Variants in FRRS1 observed in about 807,000 individuals in gnomAD.
The protein encoded by FRRS1 is ferric chelate reductase 1, also known as ferric reductase 1.
In FRRS1, 51 loss-of-function variants were observed where a neutral mutation model predicts 70.7. The ratio of observed to expected loss-of-function variants is 0.72; its 90% CI spans 0.58 to 0.91. The LOEUF (loss-of-function observed/expected upper bound fraction) is 0.91, where lower values mean the gene tolerates loss of function less well. Ranked by LOEUF, FRRS1 falls within the 40% of genes least tolerant of loss-of-function variation. The probability of loss-of-function intolerance (pLI) is 0.00; values close to 1 mark genes in which losing one functional copy is unlikely to be tolerated. For missense variants in FRRS1, 672 were observed against 726.0 expected (o/e 0.93, Z 0.86); for synonymous variants, 225 against 238.7 (o/e 0.94, Z 0.53).
rs1553169357 is a variant in FRRS1, at chr1:99,708,625, A to AAAT, written c.*402_*403insATT. ...AAAAAAAAAAAAAAAAAAAAAAAAAAATATATATATATATATATATATATA... is the reference window on the plus strand; with the variant it reads ...AAAAAAAAAAAAAAAAAAAAAAAAAAAATATATATATATATATATATATATATA... On this transcript the variant is annotated 3_prime_UTR_variant, in exon 17 of 17. Transcript: ENST00000646001. 5.7e-4 allele frequency: 30 copies of AAAT among 52,738 alleles called. No individual in the cohort carries two copies. Among genetic ancestry groups the AAAT allele is most frequent in the South Asian group, 1.2e-3 (1 of 830 alleles). The allele number at this position is 52,738 out of a possible 1,614,324, so 3.3% of individuals were successfully genotyped here. A position where few individuals can be genotyped will look rare whatever the true frequency, so the allele number is the denominator to read the frequency against.
In FRRS1 at chr1:99,738,134, G is replaced by T. The variant is rs1278943343; in HGVS notation, c.711C>A (p.Gly237=). The change falls in exon 7 of 17, where the codon GGC becomes GGA. Residue 237 remains glycine (G), a synonymous_variant. Transcript: ENST00000646001. Reference sequence around the variant, plus strand: ...CAAAGGATAAATAGCCTTTACTGGGGCCGCTCATTTCAACCATCACCGATT... The same window carrying T: ...CAAAGGATAAATAGCCTTTACTGGGTCCGCTCATTTCAACCATCACCGATT... ...DDQSVMVEMS[G]PSKGYLSFAL... 6.2e-7 allele frequency: 1 copy of T among 1,613,782 alleles called. No homozygotes were observed. The highest frequency in any genetic ancestry group is 2.2e-5 in the East Asian group (1 of 44,866).
At chr1:99,747,246 T>C (rs1399038442) in intron 4 of FRRS1, 48 bp downstream of exon 4, 1 of 1,510,420 alleles carries the variant, frequency 6.6e-7, no homozygotes. Context: ...GGGTGGGGTC[T>C]GCACCTGTAA....
chr1:99,753,815 A>C (rs1348078251), intron 1 of FRRS1, among the ~76,000 whole-genome samples: 1 of 152,148 alleles, frequency 6.6e-6, no homozygotes, highest in African/African-American at 2.4e-5. Context: ...TTTAAATGTC[A>C]GTTGTCTAAA....
chr1:99,732,204 C>T (rs1330063069), intron 7 of FRRS1, among the ~76,000 whole-genome samples: 2 of 152,162 alleles, frequency 1.3e-5, no homozygotes, highest in African/African-American at 4.8e-5. Context: ...AGTGAACGTG[C>T]TACTCCAACC....
intron 9 of FRRS1, among the ~76,000 whole-genome samples, chr1:99,722,137 G>A (rs1292615755): frequency 2.6e-5 from 4 of 151,886 alleles, no homozygotes; most frequent in Non-Finnish European, 5.9e-5. Context: ...AGCCTCCCAA[G>A]TAGCTGGGAC....
chr1:99,761,788 T>C (rs889970776), intron 1 of FRRS1, among the ~76,000 whole-genome samples: 3 of 147,860 alleles, frequency 2.0e-5, no homozygotes, highest in African/African-American at 5.0e-5. Flanking sequence ...ACAGAGCTTA[T>C]AAAAAAAAAA....
intron 4 of FRRS1, 78 bp downstream of exon 4, chr1:99,747,216 C>T: frequency 7.5e-6 from 9 of 1,193,708 alleles, no homozygotes; most frequent in Non-Finnish European, 1.1e-5. Context: ...AAGTTATACA[C>T]AGATTTCCAA....
At chr1:99,732,233 T>C (rs1324344308) in intron 7 of FRRS1, among the ~76,000 whole-genome samples, 1 of 152,152 alleles carries the variant, frequency 6.6e-6, no homozygotes, top group Non-Finnish European at 1.5e-5. Context: ...CAGGCAGTTC[T>C]AGAAACCTCA....
At chr1:99,751,036 C>T (rs993437338) in intron 1 of FRRS1, among the ~76,000 whole-genome samples, 1 of 152,116 alleles carries the variant, frequency 6.6e-6, no homozygotes, top group Non-Finnish European at 1.5e-5. Flanking sequence ...GTAAAAAGAT[C>T]ACCTCACCAA....
At chr1:99,710,471 T>C (rs551816409) in intron 15 of FRRS1, among the ~76,000 whole-genome samples, 1 of 152,342 alleles carries the variant, frequency 6.6e-6, no homozygotes, top group South Asian at 2.1e-4. Flanking sequence ...TTTGAGTCTC[T>C]TCTTCCTCCA....
chr1:99,762,434 T>C (rs1192239802), intron 1 of FRRS1, among the ~76,000 whole-genome samples: 1 of 151,866 alleles, frequency 6.6e-6, no homozygotes, highest in Non-Finnish European at 1.5e-5. Context: ...AATATCCTTC[T>C]CCAAGACTTT....
chr1:99,732,927 T>G (rs1655468577), intron 7 of FRRS1, among the ~76,000 whole-genome samples: 1 of 152,024 alleles, frequency 6.6e-6, no homozygotes. Flanking sequence ...CACTGCAGCT[T>G]TGACCTCCTG....
chr1:99,724,764 G>C (rs1022124721), intron 9 of FRRS1, among the ~76,000 whole-genome samples: 8 of 150,358 alleles, frequency 5.3e-5, no homozygotes, highest in African/African-American at 2.0e-4. Flanking sequence ...GGAGTGTTTT[G>C]TTTTGTGTGC....
At position 99,719,521 on chromosome 1, in the gene FRRS1, A is replaced by C. The variant is rs1349365198; in HGVS notation, c.1120+13T>G. The C allele has an allele frequency of 7.4e-7, 1 of 1,352,056 alleles. No individual in the cohort carries two copies. Among genetic ancestry groups the C allele is most frequent in the Non-Finnish European group, 1.1e-6 (1 of 941,748 alleles). The allele number at this position is 1,352,056 out of a possible 1,614,324, so 83.8% of individuals were successfully genotyped here. On this transcript the variant is annotated intron_variant, in intron 10 of 16. Coordinates refer to ENST00000646001, the MANE Select transcript of FRRS1 (RefSeq NM_001361041.2). ...TAAGTTGATTCCACAAAGTAGTTAC[A>C]CATGTAACCTACCATGAACCTTCAG... is the stretch of plus-strand genomic sequence containing the variant.
At position 99,717,442 on chromosome 1, in the gene FRRS1, C is replaced by T. The variant is rs761270663; in HGVS notation, c.1204G>A (p.Ala402Thr). ...CAAGCTGCTTCACCAAGCAAGAAAG[C>T]TTTTGACCAAACTGGCTTGAAGAAC... Reference protein sequence around the residue: ...ARFFKPVWSKAFLLGEAAWFQ... With the variant: ...ARFFKPVWSKTFLLGEAAWFQ... Residue 402 changes from alanine (A) to threonine (T), a missense_variant, in exon 11 of 17, where the codon GCT (alanine) becomes ACT (threonine). Transcript: ENST00000646001. 2 of 1,614,002 alleles carry T rather than the reference C, an allele frequency of 1.2e-6. No homozygotes were observed. The highest frequency in any genetic ancestry group is 2.2e-5 in the East Asian group (1 of 44,894).
chr1:99,723,402 A>G (rs750059784), intron 9 of FRRS1, among the ~76,000 whole-genome samples: 1 of 152,218 alleles, frequency 6.6e-6, no homozygotes, highest in Non-Finnish European at 1.5e-5. Flanking sequence ...CTGTAGTCCC[A>G]GCTACTAGGG....
intron 7 of FRRS1, among the ~76,000 whole-genome samples, chr1:99,735,220 G>A (rs1415011015): frequency 9.9e-5 from 15 of 152,182 alleles, no homozygotes; most frequent in Admixed American, 9.8e-4. Context: ...CTTAAAGTCA[G>A]AGGCTCCAAG....
chr1:99,728,590 A>G lies in FRRS1; in HGVS notation c.909T>C (p.Cys303=). The part of the protein sequence containing the change: ...AWRLADGVMQ[C]SFRRNITLPG... ...GAAGGGTAATGTTTCTTCTGAAAGA[A>G]CACTGCATAACACCGTCCGCCAACC... is the stretch of plus-strand genomic sequence containing the variant. Residue 303 remains cysteine, a synonymous_variant, in exon 9 of 17, where the codon TGT becomes TGC. Transcript: ENST00000646001. 1 of 1,613,990 alleles carries G rather than the reference A, an allele frequency of 6.2e-7. No individual in the cohort carries two copies. The highest frequency in any genetic ancestry group is 8.5e-7 in the Non-Finnish European group (1 of 1,179,868).
rs1656410800 is a variant in FRRS1 at position 99,748,683 on chromosome 1, G to A, written c.86C>T (p.Thr29Ile). The A allele has an allele frequency of 1.2e-6, 2 of 1,613,804 alleles. No homozygotes were observed. Among genetic ancestry groups the A allele is most frequent in the Middle Eastern group, 1.6e-4 (1 of 6,062 alleles). ...YVANYPNGKV[T>I]QSCHGMIPEH... ...AGGAATCATTCCATGGCATGACTGT[G>A]TTACTTTTCCATTGGGATAATTAGC... Residue 29 changes from threonine (T) to isoleucine (I), a missense_variant, in exon 3 of 17, where the codon ACA becomes ATA. Transcript: ENST00000646001.
Sources: allele counts gnomAD v4.1 joint callset (sites outside exome capture counted in the v4.1 genomes callset), GRCh38; gene constraint gnomAD v4.1.1; transcripts MANE v1.5; gene names NCBI Gene and HGNC (gene_info 2026-07-23, HGNC 2026-07-21).